The following PHLDB1 variants were observed in gnomAD, a reference collection of about 807,000 sequenced individuals.
PHLDB1 encodes the protein pleckstrin homology like domain family B member 1.
PHLDB1 carries 65 observed loss-of-function variants against 139.3 expected under a neutral mutation model. The ratio of observed to expected loss-of-function variants is 0.47; its 90% CI spans 0.38 to 0.57. PHLDB1 has a LOEUF of 0.57. PHLDB1 is among the 20% of genes least tolerant of loss of function. The pLI is 0.00. For synonymous variants in PHLDB1, 679 were observed against 734.5 expected, an observed-to-expected ratio of 0.92 and a Z score of 1.22; for missense variants, 1,624 against 1,839.7, an observed-to-expected ratio of 0.88 and a Z score of 2.14.
At chr11:118,623,950 A>T (rs1276437767) in intron 4 of PHLDB1, 1 of 151,460 alleles carries the variant, frequency 6.6e-6, no homozygotes, top group East Asian at 1.9e-4. Flanking sequence ...CCCAGGCTGG[A>T]GTGCAGTGGT....
At chr11:118,614,847 T>C in intron 3 of PHLDB1, 165 bp downstream of exon 3, 1 of 625,528 alleles carries the variant, frequency 1.6e-6, no homozygotes, top group Admixed American at 2.9e-5. Flanking sequence ...CCAGACTGCC[T>C]GCCTTCCTTG....
intron 9 of PHLDB1, 168 bp from the exon 10 acceptor site, chr11:118,635,225 G>A: frequency 1.3e-6 from 1 of 769,222 alleles, no homozygotes; most frequent in Non-Finnish European, 2.2e-6. Context: ...AGGCCATGAT[G>A]CCCGCAAAAG....
intron 9 of PHLDB1, 149 bp from the exon 10 acceptor site, chr11:118,635,244 C>T (rs1945448044): frequency 1.1e-6 from 1 of 936,046 alleles, no homozygotes; most frequent in Non-Finnish European, 1.6e-6. Context: ...AGGGCAAGGC[C>T]AAGTACAGCG....
In PHLDB1 at chr11:118,616,215, A is replaced by G; in HGVS notation, c.355+4A>G. The G allele has an allele frequency of 6.2e-7, 1 of 1,613,386 alleles. No individual in the cohort carries two copies. The highest frequency in any genetic ancestry group is 8.5e-7 in the Non-Finnish European group (1 of 1,179,682). ...CAGCCTACCCGGCTCACTCAGGGTA[A>G]GGCTGGACACCTCCAGATGGAGGGG... is the stretch of plus-strand genomic sequence containing the variant. On this transcript the variant is annotated splice_donor_region_variant and intron_variant, in intron 4 of 22. Transcript: ENST00000600882.
intron 9 of PHLDB1, chr11:118,633,036 A>C (rs1591616763): frequency 1.3e-5 from 2 of 154,616 alleles, no homozygotes; most frequent in African/African-American, 2.6e-5. Context: ...CCAAAACCAC[A>C]CTCCCAAATT....
chr11:118,614,794 C>G (rs539508661), intron 3 of PHLDB1, 112 bp downstream of exon 3: 10 of 1,058,782 alleles, frequency 9.4e-6, no homozygotes, highest in Non-Finnish European at 1.4e-5. Flanking sequence ...TGCTGGTGCT[C>G]GCCTCCCCAC....
intron 20 of PHLDB1, chr11:118,653,099 G>A (rs1948563846): frequency 6.6e-6 from 1 of 152,640 alleles, no homozygotes. Context: ...CAAGATTGAG[G>A]ATAGGTGGGT....
At chr11:118,635,078 GGCCCCGCGGGCCAC>G (rs1555114308) in intron 9 of PHLDB1, 2 of 438,060 alleles carry the variant, frequency 4.6e-6, no homozygotes, top group South Asian at 3.7e-5. Context: ...CCCCTCCCCC[GGCCCCGCGGGCCAC>G]GCCCCAGAAG....
chr11:118,649,818 C>T (rs1555134159), intron 18 of PHLDB1, among the ~76,000 whole-genome samples: 1 of 152,166 alleles, frequency 6.6e-6, no homozygotes, highest in South Asian at 2.1e-4. Flanking sequence ...CAGGGCAAGA[C>T]AAAGATGCCG....
chr11:118,645,487 C>A lies in PHLDB1; in HGVS notation c.3253C>A (p.Pro1085Thr), dbSNP rs147636223. The A allele has an allele frequency of 6.2e-7, 1 of 1,612,082 alleles. No homozygotes were observed. Among genetic ancestry groups the A allele is most frequent in the Non-Finnish European group, 8.5e-7 (1 of 1,179,072 alleles). The change falls in exon 16 of 23, where the codon CCT becomes ACT. Residue 1085 changes from proline (P) to threonine (T), a missense_variant. Coordinates refer to ENST00000600882, the MANE Select transcript of PHLDB1 (RefSeq NM_001144758.3). This position sits in a 1 kb window ranked among gnomAD's most constrained non-coding sequence, Gnocchi z 5.1. ...CCCAGCGGGCCCCTCGGGCTTCCCCCCTCTCATGCACCACTCTATCCTACA... is the reference window on the plus strand; with the variant it reads ...CCCAGCGGGCCCCTCGGGCTTCCCCACTCTCATGCACCACTCTATCCTACA... The part of the protein sequence containing the change: ...PFPAGPSGFP[P>T]LMHHSILHHL...
rs1209075608 is a variant in PHLDB1 at position 118,632,048 on chromosome 11, C to T, written c.2236C>T (p.Arg746Ter). ...AGAGCAGCAGCTGCAGGAGTCAGCCCGAGAGGTGAGCCGTGAAGTCCCTAG... is the reference window on the plus strand; with the variant it reads ...AGAGCAGCAGCTGCAGGAGTCAGCCTGAGAGGTGAGCCGTGAAGTCCCTAG... Reference protein sequence around the residue: ...ELEQQLQESAREAEMERALLQ... With the variant: ...ELEQQLQESA The change falls in exon 8 of 23, where the codon CGA becomes TGA. Residue 746 changes from arginine to a stop codon, truncating the protein, a stop_gained. Coordinates refer to ENST00000600882, the MANE Select transcript of PHLDB1 (RefSeq NM_001144758.3). LOFTEE classifies it high-confidence loss of function. The surrounding 1 kb of genome is among the most constrained non-coding windows in gnomAD (Gnocchi z 5.9). The T allele has an allele frequency of 1.2e-6, 2 of 1,613,806 alleles. No homozygotes were observed. Among genetic ancestry groups the T allele is most frequent in the Non-Finnish European group, 8.5e-7 (1 of 1,179,838 alleles).
In PHLDB1 at chr11:118,611,253, GT is replaced by G. The variant is rs1235330460; in HGVS notation, c.-21-2561del. 2.0e-5 allele frequency among the ~76,000 whole-genome samples: 3 copies of G among 152,204 alleles called. No individual in the cohort carries two copies. Among genetic ancestry groups the G allele is most frequent in the Non-Finnish European group, 4.4e-5 (3 of 68,030 alleles). ...TCTCTTTCCACTTCTCTTGGATCAGGTTACTGTGCTGGGGCCACAGCCTCGC... is the reference window on the plus strand; with the variant it reads ...TCTCTTTCCACTTCTCTTGGATCAGGTACTGTGCTGGGGCCACAGCCTCGC... On this transcript the variant is annotated intron_variant, in intron 1 of 22. Coordinates refer to ENST00000600882, the MANE Select transcript of PHLDB1 (RefSeq NM_001144758.3). This position sits in a 1 kb window ranked among gnomAD's most constrained non-coding sequence, Gnocchi z 4.7.
At chr11:118,656,035 C>G in intron 22 of PHLDB1, 143 bp downstream of exon 22, 2 of 683,670 alleles carry the variant, frequency 2.9e-6, no homozygotes, top group Non-Finnish European at 5.3e-6. Flanking sequence ...GAGCAAGAAG[C>G]TCCTGTGGGC....
chr11:118,642,513 C>T, intron 13 of PHLDB1, 119 bp downstream of exon 13: 4 of 1,188,524 alleles, frequency 3.4e-6, no homozygotes, highest in Non-Finnish European at 4.8e-6. Flanking sequence ...CCAGTCAGGG[C>T]AATGAGGGCA....
rs1250956741 is a variant in PHLDB1, at chr11:118,647,990, G to A, written c.3568G>A (p.Val1190Ile). 2.5e-6 allele frequency: 4 copies of A among 1,606,304 alleles called. No homozygotes were observed. The African/African-American group carries it at 5.3e-5, about 21-fold the overall frequency. Reference sequence around the variant, plus strand: ...GGAGGAGCGGCGGAGGCGTGAGCAGGTAGAACGGAGGCTGCAGAGTGAGAG... The same window carrying A: ...GGAGGAGCGGCGGAGGCGTGAGCAGATAGAACGGAGGCTGCAGAGTGAGAG... ...LEEERRRREQVERRLQSESAR... is the reference protein window; with the variant it reads ...LEEERRRREQIERRLQSESAR... Residue 1190 changes from valine (V) to isoleucine (I), a missense_variant, in exon 18 of 23, where the codon GTA becomes ATA. By Grantham distance (29) the Val-to-Ile change is conservative. Coordinates refer to ENST00000600882, the MANE Select transcript of PHLDB1 (RefSeq NM_001144758.3).
intron 22 of PHLDB1, among the ~76,000 whole-genome samples, 183 bp downstream of exon 22, chr11:118,656,075 C>G (rs1373690658): frequency 1.3e-5 from 2 of 151,578 alleles, no homozygotes; most frequent in African/African-American, 2.4e-5. Context: ...TGTTGCCTCC[C>G]TCTCCTGGAA....
intron 1 of PHLDB1, among the ~76,000 whole-genome samples, chr11:118,612,758 C>G (rs1480295245): frequency 6.6e-6 from 1 of 152,198 alleles, no homozygotes; most frequent in African/African-American, 2.4e-5. Context: ...TACTTCCTTT[C>G]CAAGTCCCCT....
chr11:118,613,832 G>A lies in PHLDB1; in HGVS notation c.-5G>A, dbSNP rs1555086054. On this transcript the variant is annotated 5_prime_UTR_variant, in exon 2 of 23. Coordinates refer to ENST00000600882, the MANE Select transcript of PHLDB1 (RefSeq NM_001144758.3). Reference sequence around the variant, plus strand: ...TGTCCCTAGGAGCTCTGGAGCCTTAGGACCATGGACGCTCTCAATAGGAAC... The same window carrying A: ...TGTCCCTAGGAGCTCTGGAGCCTTAAGACCATGGACGCTCTCAATAGGAAC... 1.2e-6 allele frequency: 2 copies of A among 1,611,220 alleles called. No individual in the cohort carries two copies. The highest frequency in any genetic ancestry group is 4.5e-5 in the East Asian group (2 of 44,850).
In PHLDB1 at chr11:118,631,128, C is replaced by G. The variant is rs115399409; in HGVS notation, c.1828-79C>G. 3 of 1,259,612 alleles carry G rather than the reference C, an allele frequency of 2.4e-6. No homozygotes were observed. In the African/African-American group the frequency reaches 4.6e-5, roughly 19 times the overall value. 78.0% of individuals were successfully genotyped at this position (1,259,612 alleles called of 1,614,324 possible). On this transcript the variant is annotated intron_variant, in intron 6 of 22. Coordinates refer to ENST00000600882, the MANE Select transcript of PHLDB1 (RefSeq NM_001144758.3). ...CCTGTAACCCTGCTCTCCCTCCTGA[C>G]AGGATACTGAACCTGGCTCTATCCC...
Sources: gnomAD v4.1 joint callset for allele counts (sites outside exome capture counted in the v4.1 genomes callset) on GRCh38, gnomAD v4.1.1 for gene constraint, Gnocchi (gnomAD v3.1) non-coding constraint, MANE v1.5 for transcripts, NCBI Gene and HGNC (gene_info 2026-07-23, HGNC 2026-07-21) for gene names.